The following MGAT5 variants were observed in gnomAD, a reference collection of about 807,000 sequenced individuals.
MGAT5 encodes alpha-1,6-mannosylglycoprotein 6-beta-N-acetylglucosaminyltransferase.
A neutral mutation model predicts 94.3 loss-of-function variants in MGAT5; 30 were observed. The ratio of observed to expected loss-of-function variants is 0.32; its 90% confidence interval spans 0.24 to 0.43. The LOEUF is 0.43. Ranked by LOEUF, MGAT5 falls within the 20% of genes least tolerant of loss-of-function variation. The pLI, the probability that MGAT5 is intolerant of heterozygous loss-of-function variation, is 1.00. For synonymous variants in MGAT5, 310 were observed against 322.9 expected (o/e 0.96, Z 0.43); for missense variants, 691 against 905.5 (o/e 0.76, Z 3.04).
intron 1 of MGAT5, among the ~76,000 whole-genome samples, chr2:134,156,973 G>C (rs1285665097): frequency 1.3e-5 from 2 of 152,160 alleles, no homozygotes; most frequent in African/African-American, 4.8e-5. Context: ...ATGATATCTA[G>C]GTAAGCTTAT....
At chr2:134,168,181 G>C (rs751434731) in intron 1 of MGAT5, among the ~76,000 whole-genome samples, 3 of 152,136 alleles carry the variant, frequency 2.0e-5, no homozygotes, top group Non-Finnish European at 4.4e-5. Context: ...ACTGACCCTG[G>C]TGCCACACAC....
chr2:134,327,571 C>T (rs1163705493), intron 4 of MGAT5, among the ~76,000 whole-genome samples: 1 of 152,088 alleles, frequency 6.6e-6, no homozygotes, highest in Non-Finnish European at 1.5e-5. Context: ...CATGATGGAG[C>T]AGGAATCACA....
chr2:134,251,247 C>T (rs901966563), upstream of MGAT5, among the ~76,000 whole-genome samples: 1 of 151,330 alleles, frequency 6.6e-6, no homozygotes, highest in Non-Finnish European at 1.5e-5. Flanking sequence ...GCACCTAGTT[C>T]GTAATGTGGC....
intron 1 of MGAT5, among the ~76,000 whole-genome samples, chr2:134,163,707 C>T (rs983766128): frequency 1.3e-5 from 2 of 151,682 alleles, no homozygotes; most frequent in African/African-American, 4.9e-5. Flanking sequence ...AAATTCTCCA[C>T]TTTGGTTTCT....
Position 134,130,098 on chromosome 2 carries a change from C to G in MGAT5, c.-143+9807C>G, listed in dbSNP as rs561915007. On this transcript the variant is annotated intron_variant, in intron 1 of 16. Coordinates refer to the MGAT5 transcript ENST00000409645. Reference sequence around the variant, plus strand: ...CAGCTGCGGAGGAGCGCCGGGTCCCCCAGCACTGCCGGCCCGTCCGCACCA... The same window carrying G: ...CAGCTGCGGAGGAGCGCCGGGTCCCGCAGCACTGCCGGCCCGTCCGCACCA... Among the ~76,000 whole-genome samples the G allele has an allele frequency of 8.0e-4, 122 of 151,724 alleles. 1 individual carries two copies. The highest frequency in any genetic ancestry group is 1.9e-3 in the South Asian group (9 of 4,790).
chr2:134,285,954 A>G (rs1573704908), intron 2 of MGAT5, among the ~76,000 whole-genome samples: 1 of 152,220 alleles, frequency 6.6e-6, no homozygotes, highest in East Asian at 1.9e-4. Context: ...AAAATAAAAT[A>G]AGGTGATAGT....
At chr2:134,129,197 G>A (rs953282154) in intron 1 of MGAT5, among the ~76,000 whole-genome samples, 5 of 152,150 alleles carry the variant, frequency 3.3e-5, no homozygotes, top group African/African-American at 1.2e-4. Context: ...GCTTCTAGAG[G>A]CTGCCCGTGT....
rs767409825 is a variant in MGAT5 at position 134,317,569 on chromosome 2, T to C, written c.447T>C (p.Pro149=). ...NGAQEKCVLP[P]MDGYPHCEGK... ...CTCAAGAAAAATGTGTATTGCCTCCTATGGACGGCTACCCTCACTGTGAGG... is the reference window on the plus strand; with the variant it reads ...CTCAAGAAAAATGTGTATTGCCTCCCATGGACGGCTACCCTCACTGTGAGG... The change falls in exon 3 of 16, where the codon CCT becomes CCC. Residue 149 remains proline, a synonymous_variant. Coordinates refer to ENST00000281923, the MANE Select transcript of MGAT5 (RefSeq NM_002410.5). The C allele has an allele frequency of 3.8e-6, 6 of 1,571,018 alleles. No individual in the cohort carries two copies. The highest frequency in any genetic ancestry group is 5.2e-6 in the Non-Finnish European group (6 of 1,160,404).
chr2:134,361,756 C>CTTAG (rs1163975387), intron 9 of MGAT5, among the ~76,000 whole-genome samples: 1 of 152,126 alleles, frequency 6.6e-6, no homozygotes, highest in East Asian at 1.9e-4. Flanking sequence ...GTGAGTAATT[C>CTTAG]TTAGAGGAGA....
chr2:134,402,605 T>C (rs1240206817), intron 10 of MGAT5, among the ~76,000 whole-genome samples: 1 of 152,190 alleles, frequency 6.6e-6, no homozygotes, highest in Admixed American at 6.5e-5. Context: ...TTCCCCAAAC[T>C]TCCTCTCCTA....
intron 10 of MGAT5, among the ~76,000 whole-genome samples, chr2:134,387,332 A>ATATATATATATATTTTTTTTTT: frequency 1.2e-4 from 3 of 24,270 alleles, no homozygotes; most frequent in African/African-American, 4.0e-4. Context: ...ATATATATAT[A>ATATATATATATATTTTTTTTTT]TTTTTTTTTT....
At chr2:134,354,652 G>A (rs1010557247) in intron 9 of MGAT5, among the ~76,000 whole-genome samples, 9 of 152,214 alleles carry the variant, frequency 5.9e-5, no homozygotes, top group Non-Finnish European at 1.2e-4. Context: ...CACCATCGTC[G>A]TCAGGTGTTC....
intron 10 of MGAT5, among the ~76,000 whole-genome samples, chr2:134,371,410 C>T (rs1445489574): frequency 6.6e-6 from 1 of 152,188 alleles, no homozygotes; most frequent in Non-Finnish European, 1.5e-5. Context: ...AAAACCAAGG[C>T]CCCTTTGTCA....
chr2:134,307,181 C>G (rs919258278), intron 2 of MGAT5, among the ~76,000 whole-genome samples: 1 of 152,026 alleles, frequency 6.6e-6, no homozygotes, highest in Non-Finnish European at 1.5e-5. Flanking sequence ...TTAAGAAAAG[C>G]ATTAGAAGCT....
chr2:134,431,089 A>AG (rs1319853304), intron 14 of MGAT5, among the ~76,000 whole-genome samples: 1 of 152,112 alleles, frequency 6.6e-6, no homozygotes, highest in Admixed American at 6.6e-5. Flanking sequence ...GAAGGCCTGG[A>AG]GGGGGGAGAA....
At chr2:134,320,704 G>A (rs1687263032) in intron 4 of MGAT5, among the ~76,000 whole-genome samples, 1 of 152,136 alleles carries the variant, frequency 6.6e-6, no homozygotes, top group Non-Finnish European at 1.5e-5. Flanking sequence ...CATTTTTGAG[G>A]CTAAATAAAA....
intron 10 of MGAT5, among the ~76,000 whole-genome samples, chr2:134,381,536 C>CAGACAGACAGACAGAT (rs59821586): frequency 2.0e-5 from 3 of 146,844 alleles, no homozygotes; most frequent in Non-Finnish European, 4.5e-5. Context: ...GACAGACAGA[C>CAGACAGACAGACAGAT]AGATAGATAG....
At chr2:134,266,219 A>G (rs1683707414) in intron 1 of MGAT5, among the ~76,000 whole-genome samples, 1 of 149,862 alleles carries the variant, frequency 6.7e-6, no homozygotes, top group Non-Finnish European at 1.5e-5. Context: ...ATTTTATTTT[A>G]TTTTTGTTTA....
intron 8 of MGAT5, among the ~76,000 whole-genome samples, chr2:134,347,319 C>T: frequency 6.6e-6 from 1 of 152,184 alleles, no homozygotes; most frequent in East Asian, 1.9e-4. Flanking sequence ...TTCTGAGAGA[C>T]ATCCGATCAT....
Sources: allele counts gnomAD v4.1 joint callset (sites outside exome capture counted in the v4.1 genomes callset), GRCh38; gene constraint gnomAD v4.1.1; transcripts MANE v1.5; gene names NCBI Gene and HGNC (gene_info 2026-07-23, HGNC 2026-07-21).